CORO2B: variants seen among roughly 807,000 people sequenced by gnomAD.
The protein encoded by CORO2B is coronin 2B.
A neutral mutation model predicts 58.8 loss-of-function variants in CORO2B; 26 were observed. The observed-to-expected ratio is 0.44, with a 90% CI of 0.32 to 0.61. The LOEUF (loss-of-function observed/expected upper bound fraction) is 0.61. Among genes scored for constraint, CORO2B ranks in the 20% least tolerant of loss-of-function variants. The probability of loss-of-function intolerance (pLI) is 0.04; values close to 1 mark genes in which losing one functional copy is unlikely to be tolerated. For synonymous variants in CORO2B, 242 were observed against 253.8 expected, an observed-to-expected ratio of 0.95 and a Z score of 0.44; for missense variants, 460 against 645.1, an observed-to-expected ratio of 0.71 and a Z score of 3.11.
In CORO2B at chr15:68,710,668, C is replaced by T. The variant is rs1460488365; in HGVS notation, c.334-64C>T. On this transcript the variant is annotated intron_variant, in intron 3 of 11. Coordinates refer to ENST00000261861, the MANE Select transcript of CORO2B (RefSeq NM_006091.5). This position sits in a 1 kb window ranked among gnomAD's most constrained non-coding sequence, Gnocchi z 4.1. ...AAAGCCTGGTGTCCGAGGAAAGGGGCACCTCTCATCAAGGGACTTCTTGGC... is the reference window on the plus strand; with the variant it reads ...AAAGCCTGGTGTCCGAGGAAAGGGGTACCTCTCATCAAGGGACTTCTTGGC... 3 of 1,443,446 alleles carry T rather than the reference C, an allele frequency of 2.1e-6. No homozygotes were observed. The highest frequency in any genetic ancestry group is 2.8e-5 in the African/African-American group (2 of 70,594). 89.4% of individuals were successfully genotyped at this position (1,443,446 alleles called of 1,614,324 possible). A position where few individuals can be genotyped will look rare whatever the true frequency, so the allele number is the denominator to read the frequency against.
chr15:68,637,124 A>G (rs980968921), intron 1 of CORO2B, among the ~76,000 whole-genome samples: 1 of 152,220 alleles, frequency 6.6e-6, no homozygotes, highest in Non-Finnish European at 1.5e-5. Flanking sequence ...CACTCCTCAC[A>G]TGATTCTGAT....
intron 1 of CORO2B, among the ~76,000 whole-genome samples, chr15:68,625,717 A>G (rs1275596079): frequency 1.3e-5 from 2 of 151,570 alleles, no homozygotes; most frequent in African/African-American, 2.4e-5. Flanking sequence ...CAATCCTCCC[A>G]CCTCAGCACC....
At chr15:68,692,597 A>AT (rs1555417029) in intron 2 of CORO2B, among the ~76,000 whole-genome samples, 1 of 81,738 alleles carries the variant, frequency 1.2e-5, no homozygotes, top group Non-Finnish European at 3.1e-5. Flanking sequence ...AAGCAAATAA[A>AT]TAAAAAAAAT....
At chr15:68,537,315 A>G in the CORO2B span, among the ~76,000 whole-genome samples, 12 of 152,160 alleles carry the variant, frequency 7.9e-5, 1 homozygote, top group African/African-American at 2.9e-4. Flanking sequence ...GGACACTCAC[A>G]TGAGATCTGG....
intron 2 of CORO2B, among the ~76,000 whole-genome samples, chr15:68,688,667 A>G (rs1273706506): frequency 6.6e-6 from 1 of 152,216 alleles, no homozygotes; most frequent in Non-Finnish European, 1.5e-5. Context: ...ATGATCTTAA[A>G]TGACCTCAGA....
intron 1 of CORO2B, among the ~76,000 whole-genome samples, chr15:68,609,808 A>G (rs1424414608): frequency 6.6e-6 from 1 of 152,152 alleles, no homozygotes; most frequent in Non-Finnish European, 1.5e-5. Flanking sequence ...GGAGGGCTGT[A>G]CAGCAGCCTG....
chr15:68,719,605 C>T (rs1302361855), intron 11 of CORO2B, 53 bp downstream of exon 11: 2 of 1,556,390 alleles, frequency 1.3e-6, no homozygotes, highest in Non-Finnish European at 1.7e-6. Context: ...AAGACCTTTA[C>T]ATTTCAATTA....
intron 2 of CORO2B, among the ~76,000 whole-genome samples, chr15:68,649,140 A>C: frequency 6.6e-6 from 1 of 152,198 alleles, no homozygotes; most frequent in East Asian, 1.9e-4. Context: ...CACTTTGTAA[A>C]CACTTCATGG....
chr15:68,623,587 G>A (rs902395719), intron 1 of CORO2B, among the ~76,000 whole-genome samples: 22 of 152,136 alleles, frequency 1.4e-4, no homozygotes, highest in African/African-American at 5.1e-4. Flanking sequence ...GTCATCTCAG[G>A]GCAGTGCGGT....
rs1228148328 is a variant in CORO2B, at chr15:68,632,462, C to T, written c.16-12698C>T. The T allele has an allele frequency of 5.1e-6, 5 of 978,116 alleles. No homozygotes were observed. The African/African-American group carries it at 5.3e-5, about 10-fold the overall frequency. The allele number at this position is 978,116 out of a possible 1,614,324, so 60.6% of individuals were successfully genotyped here. Reference sequence around the variant, plus strand: ...GAAGTTGAGAAACGTCCTCTCTCAACAATTCTGGCTCTTAAGATATTTTGT... The same window carrying T: ...GAAGTTGAGAAACGTCCTCTCTCAATAATTCTGGCTCTTAAGATATTTTGT... On this transcript the variant is annotated intron_variant, in intron 1 of 11. Coordinates refer to ENST00000261861, the MANE Select transcript of CORO2B (RefSeq NM_006091.5).
chr15:68,615,891 GA>G (rs1340385999), intron 1 of CORO2B, among the ~76,000 whole-genome samples: 1 of 152,188 alleles, frequency 6.6e-6, no homozygotes, highest in East Asian at 1.9e-4. Context: ...AGACAAGAAA[GA>G]AGATCATAGC....
chr15:68,552,478 G>GA, the CORO2B span, among the ~76,000 whole-genome samples: 5 of 6,526 alleles, frequency 7.7e-4, no homozygotes, highest in South Asian at 0.033. Context: ...GCGGGGGGGT[G>GA]GGGGGGGCAG....
At chr15:68,601,224 T>A (rs1371400850) in intron 1 of CORO2B, among the ~76,000 whole-genome samples, 1 of 152,216 alleles carries the variant, frequency 6.6e-6, no homozygotes, top group Admixed American at 6.5e-5. Flanking sequence ...ATTTCTTGGC[T>A]TGAGTGCCAA....
intron 11 of CORO2B, among the ~76,000 whole-genome samples, chr15:68,725,458 CTAT>C (rs758587997): frequency 3.3e-5 from 5 of 151,632 alleles, no homozygotes; most frequent in African/African-American, 4.8e-5. Flanking sequence ...TATTATACAT[CTAT>C]TATTATGTAT....
At chr15:68,707,868 G>A (rs1475646878) in intron 3 of CORO2B, among the ~76,000 whole-genome samples, 3 of 152,076 alleles carry the variant, frequency 2.0e-5, no homozygotes, top group Non-Finnish European at 4.4e-5. Context: ...ATCCCTGAAC[G>A]CCCTGGTGCA....
At chr15:68,562,412 T>C in the CORO2B span, among the ~76,000 whole-genome samples, 4 of 152,244 alleles carry the variant, frequency 2.6e-5, no homozygotes, top group Non-Finnish European at 5.9e-5. Context: ...AGGATGGTCC[T>C]GATTTTCCTC....
chr15:68,610,462 G>C (rs1199345593), intron 1 of CORO2B, among the ~76,000 whole-genome samples: 1 of 151,700 alleles, frequency 6.6e-6, no homozygotes, highest in Non-Finnish European at 1.5e-5. Context: ...CTGATCTCCA[G>C]ACCCCCTTGT....
At chr15:68,574,975 T>A (rs1899252520), upstream of CORO2B, among the ~76,000 whole-genome samples, 1 of 152,238 alleles carries the variant, frequency 6.6e-6, no homozygotes, top group Non-Finnish European at 1.5e-5. Flanking sequence ...ACGTCTTATT[T>A]ACCCCACAAT....
At chr15:68,588,619 C>T (rs926610133) in intron 1 of CORO2B, among the ~76,000 whole-genome samples, 1 of 152,142 alleles carries the variant, frequency 6.6e-6, no homozygotes, top group East Asian at 1.9e-4. Flanking sequence ...AGATACCTCC[C>T]GATGCCCCCA....
Sources: gnomAD v4.1 joint callset for allele counts (sites outside exome capture counted in the v4.1 genomes callset) on GRCh38, gnomAD v4.1.1 for gene constraint, Gnocchi (gnomAD v3.1) non-coding constraint, MANE v1.5 for transcripts, NCBI Gene and HGNC (gene_info 2026-07-23, HGNC 2026-07-21) for gene names.